ELMO1: variants seen among roughly 807,000 people sequenced by gnomAD.
ELMO1 encodes engulfment and cell motility 1.
ELMO1 carries 26 observed loss-of-function variants against 98.9 expected under a neutral mutation model. That is an observed-to-expected ratio of 0.26 (90% confidence interval 0.19 to 0.36). The LOEUF (loss-of-function observed/expected upper bound fraction) is 0.36, where lower values mean the gene tolerates loss of function less well. Among genes scored for constraint, ELMO1 ranks in the 10% least tolerant of loss-of-function variants. ELMO1 has a pLI of 1.00. For synonymous variants in ELMO1, 346 were observed against 346.0 expected (o/e 1.00, Z 0.00); for missense variants, 627 against 935.2 (o/e 0.67, Z 4.30).
intron 16 of ELMO1, among the ~76,000 whole-genome samples, chr7:37,009,513 T>C (rs1793397063): frequency 6.6e-6 from 1 of 152,162 alleles, no homozygotes; most frequent in Non-Finnish European, 1.5e-5. Context: ...TACCAAGCAC[T>C]AGATATCTAT....
intron 1 of ELMO1, among the ~76,000 whole-genome samples, chr7:37,442,317 A>T (rs946374292): frequency 1.3e-5 from 2 of 152,200 alleles, no homozygotes; most frequent in Non-Finnish European, 2.9e-5. Flanking sequence ...CGCCCAAAGG[A>T]GAAACCATCA....
chr7:36,856,522 C>A (rs370198745), intron 21 of ELMO1, among the ~76,000 whole-genome samples: 194 of 152,300 alleles, frequency 1.3e-3, no homozygotes, highest in African/African-American at 4.5e-3. Flanking sequence ...CTTCACAGTA[C>A]CCAACTAAGA....
intron 13 of ELMO1, among the ~76,000 whole-genome samples, chr7:37,145,601 G>C (rs905430909): frequency 2.0e-5 from 3 of 152,216 alleles, no homozygotes; most frequent in Admixed American, 2.0e-4. Context: ...TAGCCTGAAT[G>C]ATTTTTAAAT....
chr7:36,871,082 T>C (rs1000903252), intron 19 of ELMO1, among the ~76,000 whole-genome samples: 2 of 152,230 alleles, frequency 1.3e-5, no homozygotes, highest in African/African-American at 4.8e-5. Flanking sequence ...ACAACAAAAC[T>C]AAACTCAATT....
intron 16 of ELMO1, among the ~76,000 whole-genome samples, chr7:36,982,128 C>T (rs1438873600): frequency 6.6e-6 from 1 of 152,178 alleles, no homozygotes; most frequent in Non-Finnish European, 1.5e-5. Flanking sequence ...AAAACCAATA[C>T]TCAATTCAGT....
At chr7:37,312,390 C>T (rs1583521038) in intron 4 of ELMO1, among the ~76,000 whole-genome samples, 1 of 152,206 alleles carries the variant, frequency 6.6e-6, no homozygotes, top group African/African-American at 2.4e-5. Context: ...GCCCAGCCCA[C>T]ATTCCTAAAT....
At chr7:37,183,851 TATA>T (rs956551852) in intron 13 of ELMO1, among the ~76,000 whole-genome samples, 2 of 152,198 alleles carry the variant, frequency 1.3e-5, no homozygotes, top group African/African-American at 4.8e-5. Context: ...TTTACCCTTA[TATA>T]ATAATAATAG....
At chr7:37,046,849 T>C (rs114747535) in intron 15 of ELMO1, among the ~76,000 whole-genome samples, 2,450 of 152,310 alleles carry the variant, frequency 0.016, 20 homozygotes, top group Middle Eastern at 0.044. Context: ...GAATGCTAAG[T>C]GATTCCAGTA....
At chr7:37,345,742 C>T (rs1266731097) in intron 1 of ELMO1, among the ~76,000 whole-genome samples, 1 of 151,798 alleles carries the variant, frequency 6.6e-6, no homozygotes, top group Non-Finnish European at 1.5e-5. Context: ...GTAATCCCAG[C>T]ACTTTGGGAG....
At chr7:37,188,917 A>G (rs1410693093) in intron 13 of ELMO1, among the ~76,000 whole-genome samples, 1 of 106,302 alleles carries the variant, frequency 9.4e-6, no homozygotes, top group Non-Finnish European at 2.3e-5. Context: ...AGCTCAGTTC[A>G]TGTGTTTCTG....
intron 16 of ELMO1, among the ~76,000 whole-genome samples, chr7:36,971,926 T>G (rs1029120968): frequency 6.6e-6 from 1 of 152,144 alleles, no homozygotes; most frequent in African/African-American, 2.4e-5. Flanking sequence ...CTCTCTAACA[T>G]TTGTAAGGTA....
chr7:37,124,902 T>A (rs1225744411), intron 14 of ELMO1, among the ~76,000 whole-genome samples: 1 of 152,172 alleles, frequency 6.6e-6, no homozygotes, highest in African/African-American at 2.4e-5. Context: ...AAGGCTACAG[T>A]AACCAAAACA....
chr7:37,036,987 G>C (rs1421594303), intron 15 of ELMO1, among the ~76,000 whole-genome samples: 5 of 152,200 alleles, frequency 3.3e-5, no homozygotes, highest in Admixed American at 2.0e-4. Flanking sequence ...GAAGTGGCCA[G>C]TGTAAATGAG....
chr7:37,093,788 TG>T, intron 15 of ELMO1, among the ~76,000 whole-genome samples: 1 of 152,240 alleles, frequency 6.6e-6, no homozygotes, highest in Non-Finnish European at 1.5e-5. Flanking sequence ...CATCTGGGCA[TG>T]TAGGCTTCAG....
intron 15 of ELMO1, among the ~76,000 whole-genome samples, chr7:37,022,997 G>GC (rs938342706): frequency 3.9e-5 from 6 of 152,146 alleles, no homozygotes; most frequent in African/African-American, 1.2e-4. Flanking sequence ...AGCAAAAACA[G>GC]CCCCACATAA....
At chr7:36,947,745 TTCC>T (rs1277223997) in intron 16 of ELMO1, among the ~76,000 whole-genome samples, 1 of 152,090 alleles carries the variant, frequency 6.6e-6, no homozygotes, top group Non-Finnish European at 1.5e-5. Flanking sequence ...TCTTGCTCCT[TTCC>T]TCCTCAAACT....
At chr7:37,268,207 C>T (rs1284227940) in intron 5 of ELMO1, among the ~76,000 whole-genome samples, 1 of 152,210 alleles carries the variant, frequency 6.6e-6, no homozygotes, top group Non-Finnish European at 1.5e-5. Context: ...GTAGGAGACA[C>T]TACAAGACAC....
chr7:37,049,769 T>C (rs969433993), intron 15 of ELMO1, among the ~76,000 whole-genome samples: 2 of 148,578 alleles, frequency 1.3e-5, no homozygotes, highest in Non-Finnish European at 3.0e-5. Context: ...CCCAGTTTTG[T>C]TTTGTTTCTT....
intron 16 of ELMO1, among the ~76,000 whole-genome samples, chr7:36,950,069 C>T (rs771583205): frequency 6.6e-5 from 10 of 152,180 alleles, no homozygotes; most frequent in Non-Finnish European, 1.3e-4. Context: ...TTCTCACTCA[C>T]CACTTTTTTT....
Sources: gnomAD v4.1 joint callset for allele counts (sites outside exome capture counted in the v4.1 genomes callset) on GRCh38, gnomAD v4.1.1 for gene constraint, MANE v1.5 for transcripts, NCBI Gene and HGNC (gene_info 2026-07-23, HGNC 2026-07-21) for gene names.